The following ALKBH3 variants were observed in gnomAD, a reference collection of about 807,000 sequenced individuals.
The protein encoded by ALKBH3 is alpha-ketoglutarate-dependent dioxygenase alkB homolog 3.
A neutral mutation model predicts 43.9 loss-of-function variants in ALKBH3; 51 were observed. That is an observed-to-expected ratio of 1.16 (90% CI 0.93 to 1.47). The LOEUF (loss-of-function observed/expected upper bound fraction) is 1.47, where lower values mean the gene tolerates loss of function less well. ALKBH3 is among the 40% of genes most tolerant of loss of function. The pLI, the probability that ALKBH3 is intolerant of heterozygous loss-of-function variation, is 0.00. For synonymous variants in ALKBH3, 102 were observed against 115.2 expected (o/e 0.89, Z 0.73); for missense variants, 361 against 351.9 (o/e 1.03, Z -0.21).
rs547771330 is a variant in ALKBH3, at chr11:43,913,759, CAAAG to C, written c.670-5276_670-5273del. On this transcript the variant is annotated intron_variant, in intron 8 of 9. Transcript: ENST00000302708. ...CTGCTAAGGTGACTGACAAGGGAAT[CAAAG>C]AAGGCAGTCATGTCATGGACCTATC... is the stretch of plus-strand genomic sequence containing the variant. Among the ~76,000 whole-genome samples the C allele has an allele frequency of 5.4e-4, 83 of 152,336 alleles. 1 individual carries two copies. The South Asian group carries it at 6.8e-3, about 13-fold the overall frequency.
At chr11:43,887,662 G>A (rs1020911831) in intron 5 of ALKBH3, among the ~76,000 whole-genome samples, 1 of 152,046 alleles carries the variant, frequency 6.6e-6, no homozygotes, top group Non-Finnish European at 1.5e-5. Flanking sequence ...TTAGAATTGC[G>A]CCTAGCCTGG....
At position 43,886,592 on chromosome 11, in the gene ALKBH3, C is replaced by T; in HGVS notation, c.219-14C>T. On this transcript the variant is annotated splice_polypyrimidine_tract_variant and intron_variant, in intron 4 of 9. Coordinates refer to ENST00000302708, the MANE Select transcript of ALKBH3 (RefSeq NM_139178.4). The stretch of plus-strand genomic sequence containing the variant: ...TGCCTCAAACTAACAAGTCTGTTTC[C>T]TTTGTTTCTTTAGCAGAGAGGGTGT... 3 of 1,613,900 alleles carry T rather than the reference C, an allele frequency of 1.9e-6. No individual in the cohort carries two copies. The highest frequency in any genetic ancestry group is 1.7e-6 in the Non-Finnish European group (2 of 1,179,868).
chr11:43,907,460 C>T (rs531032256), intron 8 of ALKBH3, among the ~76,000 whole-genome samples: 2 of 152,214 alleles, frequency 1.3e-5, no homozygotes, highest in African/African-American at 4.8e-5. Flanking sequence ...ACTTGTGTTT[C>T]CTTGTGAAAC....
At chr11:43,902,692 G>T (rs928136896) in intron 8 of ALKBH3, among the ~76,000 whole-genome samples, 13 of 152,228 alleles carry the variant, frequency 8.5e-5, no homozygotes, top group African/African-American at 2.7e-4. Flanking sequence ...TGCCTCCCCA[G>T]TTCAAGCGAT....
At chr11:43,898,484 AC>A in intron 7 of ALKBH3, 1 of 952,810 alleles carries the variant, frequency 1.0e-6, no homozygotes, top group Non-Finnish European at 1.7e-6. Flanking sequence ...ATGGACACCA[AC>A]GGCTTGGTGA....
At chr11:43,884,099 C>T in intron 4 of ALKBH3, 82 bp downstream of exon 4, 1 of 1,541,066 alleles carries the variant, frequency 6.5e-7, no homozygotes, top group Non-Finnish European at 9.0e-7. Context: ...TTTTTTCTAT[C>T]TGGAAGAGAA....
chr11:43,913,340 AC>A (rs1182081386), intron 8 of ALKBH3, among the ~76,000 whole-genome samples: 1 of 151,918 alleles, frequency 6.6e-6, no homozygotes, highest in Non-Finnish European at 1.5e-5. Context: ...TTCCGTCCTC[AC>A]CCCCGTCCCG....
rs1952011362 is a variant in ALKBH3 at position 43,919,647 on chromosome 11, G to A, written c.769-271G>A. 8.0e-6 allele frequency: 3 copies of A among 376,614 alleles called. No individual in the cohort carries two copies. The South Asian group carries it at 9.6e-5, about 12-fold the overall frequency. 23.3% of individuals were successfully genotyped at this position (376,614 alleles called of 1,614,324 possible). On this transcript the variant is annotated intron_variant, in intron 9 of 9. Transcript: ENST00000302708. ...TCCATTTATATGTTTTATGAGATTT[G>A]GGAAATGGCAGGTGTCTGAGAGGAA...
At chr11:43,903,566 C>A (rs1313913103) in intron 8 of ALKBH3, among the ~76,000 whole-genome samples, 1 of 152,164 alleles carries the variant, frequency 6.6e-6, no homozygotes, top group African/African-American at 2.4e-5. Context: ...CATATGCTAG[C>A]ACTGCGCCTT....
intron 9 of ALKBH3, 60 bp from the exon 10 acceptor site, chr11:43,919,858 C>T: frequency 6.8e-7 from 1 of 1,467,180 alleles, no homozygotes; most frequent in Non-Finnish European, 9.5e-7. Context: ...TTTTAAGTCG[C>T]TTTGAACTAA....
chr11:43,919,672 A>G (rs1011487335), intron 9 of ALKBH3: 6 of 425,638 alleles, frequency 1.4e-5, no homozygotes, highest in Non-Finnish European at 2.6e-5. Flanking sequence ...TCTGAGAGGA[A>G]CAGCAACAAT....
At chr11:43,901,111 C>G (rs1951860576) in intron 7 of ALKBH3, among the ~76,000 whole-genome samples, 1 of 152,206 alleles carries the variant, frequency 6.6e-6, no homozygotes, top group African/African-American at 2.4e-5. Flanking sequence ...CAGTCTGGGT[C>G]TGCTGACTAC....
rs1951723144 is a variant in ALKBH3, at chr11:43,883,119, T to C, written c.114T>C (p.Pro38=). 1 of 1,614,150 alleles carries C rather than the reference T, an allele frequency of 6.2e-7. No individual in the cohort carries two copies. The highest frequency in any genetic ancestry group is 8.5e-7 in the Non-Finnish European group (1 of 1,180,024). ...TTAKSHLHQK[P]GQTWKNKEHH... ...CTAAGAGCCATCTCCACCAGAAGCC[T>C]GGCCAGACCTGGAAGAACAAAGAGC... Residue 38 remains proline, a synonymous_variant, in exon 3 of 10, where the codon CCT becomes CCC. Transcript: ENST00000302708.
chr11:43,919,980 C>T lies in ALKBH3; in HGVS notation c.831C>T (p.Val277=). The T allele has an allele frequency of 6.2e-7, 1 of 1,614,136 alleles. No homozygotes were observed. The highest frequency in any genetic ancestry group is 1.7e-5 in the Admixed American group (1 of 60,028). Residue 277 remains valine, a synonymous_variant, in exon 10 of 10, where the codon GTC becomes GTT. Coordinates refer to ENST00000302708, the MANE Select transcript of ALKBH3 (RefSeq NM_139178.4). ...EPRVNLTFRT[V]YPDPRGAPW is the part of the protein sequence containing the mutation. ...GAGTGAACCTGACCTTTCGGACAGTCTATCCAGACCCTCGAGGGGCACCCT... is the reference window on the plus strand; with the variant it reads ...GAGTGAACCTGACCTTTCGGACAGTTTATCCAGACCCTCGAGGGGCACCCT...
At chr11:43,886,882 T>C (rs997001597) in intron 5 of ALKBH3, among the ~76,000 whole-genome samples, 1 of 152,044 alleles carries the variant, frequency 6.6e-6, no homozygotes, top group Admixed American at 6.6e-5. Context: ...ATGTTCTCAC[T>C]TGTAAGTGGG....
At chr11:43,895,759 A>G (rs979576585) in intron 7 of ALKBH3, among the ~76,000 whole-genome samples, 1 of 152,240 alleles carries the variant, frequency 6.6e-6, no homozygotes. Context: ...CCAGCACCTT[A>G]GCATGAATCA....
At chr11:43,900,111 T>TTTG (rs1951851408) in intron 7 of ALKBH3, among the ~76,000 whole-genome samples, 1 of 151,374 alleles carries the variant, frequency 6.6e-6, no homozygotes, top group Admixed American at 6.6e-5. Flanking sequence ...ACCCTTCTCA[T>TTTG]CAATTATTCA....
rs919699635 is a variant in ALKBH3, at chr11:43,892,230, TTCCTAGTTCAAAAAACC to T, written c.459+104_459+120del. ...ATTACCTTGCAGAGATTCATGCTGG[TTCCTAGTTCAAAAAACC>T]TCTCTGGGTTGAAACATTGAGTCTT... On this transcript the variant is annotated intron_variant, in intron 7 of 9. Transcript: ENST00000302708. 45 of 1,042,872 alleles carry T rather than the reference TTCCTAGTTCAAAAAACC, an allele frequency of 4.3e-5. No homozygotes were observed. The African/African-American group carries it at 6.8e-4, about 16-fold the overall frequency. 64.6% of individuals were successfully genotyped at this position (1,042,872 alleles called of 1,614,324 possible).
At chr11:43,914,367 G>A (rs774455729) in intron 8 of ALKBH3, among the ~76,000 whole-genome samples, 2 of 152,142 alleles carry the variant, frequency 1.3e-5, no homozygotes, top group Non-Finnish European at 2.9e-5. Context: ...TAGCAATAAC[G>A]GATATAGAGT....
Sources: gnomAD v4.1 joint callset for allele counts (sites outside exome capture counted in the v4.1 genomes callset) on GRCh38, gnomAD v4.1.1 for gene constraint, MANE v1.5 for transcripts, NCBI Gene and HGNC (gene_info 2026-07-23, HGNC 2026-07-21) for gene names.